NMNAT3: variants seen among roughly 807,000 people sequenced by gnomAD.
NMNAT3 encodes nicotinamide nucleotide adenylyltransferase 3.
Under a neutral mutation model 24.8 loss-of-function variants are expected in NMNAT3, and 21 were observed. The observed-to-expected ratio is 0.85, with a 90% CI of 0.60 to 1.22. The LOEUF (loss-of-function observed/expected upper bound fraction) is 1.22, where lower values mean the gene tolerates loss of function less well. Among genes scored for constraint, NMNAT3 ranks in the 50% most tolerant of loss-of-function variants. The pLI is 0.00. For missense variants in NMNAT3, 387 were observed against 436.6 expected (o/e 0.89, Z 1.01); for synonymous variants, 136 against 155.2 (o/e 0.88, Z 0.92).
intron 1 of NMNAT3, among the ~76,000 whole-genome samples, chr3:139,650,460 T>C (rs2057018933): frequency 6.6e-6 from 1 of 152,248 alleles, no homozygotes; most frequent in African/African-American, 2.4e-5. Flanking sequence ...TGTTAACATG[T>C]GGTCTAAACC....
chr3:139,561,868 C>T (rs1199746472), intron 6 of NMNAT3, among the ~76,000 whole-genome samples: 1 of 152,170 alleles, frequency 6.6e-6, no homozygotes, highest in Admixed American at 6.5e-5. Context: ...TTTTATATAA[C>T]AATCTCACTA....
chr3:139,589,346 A>G (rs1390657384), intron 3 of NMNAT3, among the ~76,000 whole-genome samples: 1 of 152,234 alleles, frequency 6.6e-6, no homozygotes, highest in East Asian at 1.9e-4. Flanking sequence ...GAGAATCAAC[A>G]TTTGGCATAA....
At chr3:139,625,942 A>G (rs2056031049) in intron 3 of NMNAT3, among the ~76,000 whole-genome samples, 1 of 152,200 alleles carries the variant, frequency 6.6e-6, no homozygotes. Context: ...CTAGGTCGAC[A>G]GTATTTTCTT....
At chr3:139,664,043 T>C (rs1318356509) in intron 1 of NMNAT3, among the ~76,000 whole-genome samples, 2 of 152,164 alleles carry the variant, frequency 1.3e-5, no homozygotes, top group Admixed American at 1.3e-4. Flanking sequence ...AAAACAGAAG[T>C]TGAGAAAATC....
At chr3:139,667,382 C>G (rs2057616705) in intron 1 of NMNAT3, among the ~76,000 whole-genome samples, 1 of 152,094 alleles carries the variant, frequency 6.6e-6, no homozygotes, top group Non-Finnish European at 1.5e-5. Context: ...TTTCATGTGT[C>G]TGTTGGCCAT....
chr3:139,633,434 C>G (rs375348317), intron 2 of NMNAT3, among the ~76,000 whole-genome samples: 6 of 152,292 alleles, frequency 3.9e-5, no homozygotes, highest in African/African-American at 1.4e-4. Flanking sequence ...CCTGCCTCAG[C>G]CTCCCAAAGT....
chr3:139,623,446 T>A (rs1319065399), intron 3 of NMNAT3, among the ~76,000 whole-genome samples: 4 of 152,128 alleles, frequency 2.6e-5, no homozygotes, highest in Non-Finnish European at 5.9e-5. Context: ...ACTTTTTTTT[T>A]AAATAAACAG....
In NMNAT3 at chr3:139,595,614, T is replaced by G. The variant is rs529977618; in HGVS notation, c.110-12406A>C. Among the ~76,000 whole-genome samples the G allele has an allele frequency of 1.2e-3, 181 of 152,232 alleles. 1 individual carries two copies. The highest frequency in any genetic ancestry group is 2.5e-3 in the Admixed American group (38 of 15,296). On this transcript the variant is annotated intron_variant, in intron 3 of 6. Transcript: ENST00000643695. ...CATGGTACTGGTACCAAAACAGAGA[T>G]ATAGATCAATGGAACGGAAGAGAGC...
chr3:139,641,915 AC>A (rs1559943297), intron 1 of NMNAT3, among the ~76,000 whole-genome samples: 1 of 152,148 alleles, frequency 6.6e-6, no homozygotes, highest in Non-Finnish European at 1.5e-5. Flanking sequence ...CACCACACCT[AC>A]CATGGAAGTC....
intron 3 of NMNAT3, among the ~76,000 whole-genome samples, chr3:139,587,561 A>C (rs1359095020): frequency 1.3e-5 from 2 of 152,200 alleles, no homozygotes; most frequent in African/African-American, 4.8e-5. Context: ...GGAGGTAGGC[A>C]GGAAAAAATG....
intron 1 of NMNAT3, among the ~76,000 whole-genome samples, chr3:139,668,659 G>A (rs1237630006): frequency 6.6e-6 from 1 of 152,230 alleles, no homozygotes; most frequent in African/African-American, 2.4e-5. Context: ...ACCATTCACA[G>A]AAATGGCAGG....
chr3:139,633,552 T>C (rs1041117920), intron 2 of NMNAT3, among the ~76,000 whole-genome samples: 13 of 152,092 alleles, frequency 8.5e-5, no homozygotes, highest in African/African-American at 2.7e-4. Flanking sequence ...CCATAGGAAG[T>C]TAAAACACCC....
chr3:139,610,969 G>C (rs2055183239), intron 3 of NMNAT3, among the ~76,000 whole-genome samples: 1 of 152,160 alleles, frequency 6.6e-6, no homozygotes, highest in Non-Finnish European at 1.5e-5. Flanking sequence ...GCAAGTCACT[G>C]AGAGGAAAAA....
At chr3:139,645,048 T>A (rs920732764) in intron 1 of NMNAT3, among the ~76,000 whole-genome samples, 11 of 151,796 alleles carry the variant, frequency 7.2e-5, no homozygotes, top group Non-Finnish European at 1.5e-4. Context: ...CTAAAAATAC[T>A]AAAATTAGCT....
chr3:139,598,254 C>G (rs1373712692), intron 3 of NMNAT3, among the ~76,000 whole-genome samples: 3 of 152,166 alleles, frequency 2.0e-5, no homozygotes, highest in African/African-American at 7.2e-5. Flanking sequence ...AACCTGGCCA[C>G]TCTTCCATTG....
At chr3:139,591,889 G>A (rs1470923251) in intron 3 of NMNAT3, among the ~76,000 whole-genome samples, 1 of 152,204 alleles carries the variant, frequency 6.6e-6, no homozygotes. Context: ...CAGAAAAACT[G>A]GAAACTCTAA....
At chr3:139,633,541 G>C (rs924271518) in intron 2 of NMNAT3, among the ~76,000 whole-genome samples, 1 of 152,210 alleles carries the variant, frequency 6.6e-6, no homozygotes, top group African/African-American at 2.4e-5. Flanking sequence ...TGTTACAGCA[G>C]CCATAGGAAG....
chr3:139,601,706 G>C (rs992151365), intron 3 of NMNAT3, among the ~76,000 whole-genome samples: 17 of 152,162 alleles, frequency 1.1e-4, no homozygotes, highest in Admixed American at 7.2e-4. Flanking sequence ...GGGGTTGGGG[G>C]TGGGGGATAA....
intron 1 of NMNAT3, among the ~76,000 whole-genome samples, chr3:139,638,537 GC>G (rs112896138): frequency 0.087 from 13,314 of 152,216 alleles, 954 homozygotes; most frequent in East Asian, 0.23. Context: ...CCCTTCTAGT[GC>G]CCAAATCACA....
Sources: allele counts gnomAD v4.1 joint callset (sites outside exome capture counted in the v4.1 genomes callset), GRCh38; gene constraint gnomAD v4.1.1; transcripts MANE v1.5; gene names NCBI Gene and HGNC (gene_info 2026-07-23, HGNC 2026-07-21).